The following NEK10 variants were observed in gnomAD, a reference collection of about 807,000 sequenced individuals.
The protein encoded by NEK10 is NIMA related kinase 10.
In NEK10, 122 loss-of-function variants were observed where a neutral mutation model predicts 159.8. That is an observed-to-expected ratio of 0.76 (90% CI 0.66 to 0.89). NEK10 has a LOEUF of 0.89. Ranked by LOEUF, NEK10 falls within the 40% of genes least tolerant of loss-of-function variation. NEK10 has a pLI of 0.00. For missense variants in NEK10, 1,342 were observed against 1,323.1 expected (o/e 1.01, Z -0.22); for synonymous variants, 466 against 457.1 (o/e 1.02, Z -0.25).
chr3:27,224,048 G>A (rs1952384597), intron 23 of NEK10, among the ~76,000 whole-genome samples: 1 of 152,168 alleles, frequency 6.6e-6, no homozygotes, highest in African/African-American at 2.4e-5. Context: ...AAGTTAAGAT[G>A]AGGTCATACT....
Position 27,192,504 on chromosome 3 carries a change from T to C in NEK10, c.2292-262A>G, listed in dbSNP as rs185837816. 5.4e-4 allele frequency among the ~76,000 whole-genome samples: 82 copies of C among 151,862 alleles called. 2 individuals carry two copies. Among genetic ancestry groups the C allele is most frequent in the Non-Finnish European group, 1.2e-4 (8 of 68,000 alleles). ...AAGGGTTCCAGGCTGAGCATGAAGATGCTCTTCGGGTCTCAGGATGGGCAG... is the reference window on the plus strand; with the variant it reads ...AAGGGTTCCAGGCTGAGCATGAAGACGCTCTTCGGGTCTCAGGATGGGCAG... On this transcript the variant is annotated intron_variant, in intron 25 of 35. Coordinates refer to ENST00000691995, the MANE Select transcript of NEK10 (RefSeq NM_001394966.1).
At chr3:27,192,922 C>T (rs1483847787) in intron 25 of NEK10, among the ~76,000 whole-genome samples, 1 of 152,140 alleles carries the variant, frequency 6.6e-6, no homozygotes, top group Non-Finnish European at 1.5e-5. Flanking sequence ...ACTCAGCATG[C>T]AGGCTCTGGA....
At chr3:27,301,649 A>G (rs2043832571) in intron 13 of NEK10, 47 bp downstream of exon 13, 1 of 1,377,136 alleles carries the variant, frequency 7.3e-7, no homozygotes, top group Admixed American at 1.9e-5. Flanking sequence ...GTGAATAATA[A>G]TACAACACAA....
chr3:27,269,091 A>G (rs533020490), intron 22 of NEK10, among the ~76,000 whole-genome samples: 56 of 152,222 alleles, frequency 3.7e-4, no homozygotes, highest in Non-Finnish European at 6.5e-4. Context: ...GCAATCTCAC[A>G]ATAAAACTTG....
intron 26 of NEK10, among the ~76,000 whole-genome samples, chr3:27,176,681 A>G (rs1285613895): frequency 1.3e-5 from 2 of 152,200 alleles, no homozygotes; most frequent in Non-Finnish European, 2.9e-5. Context: ...AGAAGTAAAA[A>G]CCCAATTCAA....
At chr3:27,189,516 C>G (rs558635220) in intron 26 of NEK10, among the ~76,000 whole-genome samples, 2 of 152,200 alleles carry the variant, frequency 1.3e-5, no homozygotes, top group African/African-American at 4.8e-5. Flanking sequence ...TTGATAATAA[C>G]TGCTCTGGGA....
chr3:27,347,502 C>CAAA lies in NEK10; in HGVS notation c.133-1289_133-1287dup, dbSNP rs35966643. Among the ~76,000 whole-genome samples, 55 of 63,436 alleles carry CAAA rather than the reference C, an allele frequency of 8.7e-4. 2 individuals carry two copies. Among genetic ancestry groups the CAAA allele is most frequent in the African/African-American group, 3.5e-3 (50 of 14,390 alleles). 41.6% of individuals were successfully genotyped at this position (63,436 alleles called of 152,430 possible). A position where few individuals can be genotyped will look rare whatever the true frequency, so the allele number is the denominator to read the frequency against. ...GGGCAACAAGAGTGAAACTCCGTCT[C>CAAA]AAAAAAAAAAAAAAAAAAAAAAAAA... On this transcript the variant is annotated intron_variant, in intron 3 of 35. Coordinates refer to ENST00000691995, the MANE Select transcript of NEK10 (RefSeq NM_001394966.1).
At chr3:27,271,149 TTCTATCTATCTATCTATCTATCTATCTA>T (rs72089289) in intron 22 of NEK10, among the ~76,000 whole-genome samples, 15 of 148,056 alleles carry the variant, frequency 1.0e-4, no homozygotes, top group Non-Finnish European at 2.1e-4. Context: ...TCTATCTATC[TTCTATCTATCTATCTATCTATCTATCTA>T]TCTATCTATC....
chr3:27,345,577 G>A (rs1218497916), intron 4 of NEK10, among the ~76,000 whole-genome samples: 7 of 152,174 alleles, frequency 4.6e-5, no homozygotes, highest in African/African-American at 1.7e-4. Context: ...CGAGAGGGGA[G>A]TGGCCCACAA....
At chr3:27,328,826 T>C (rs2149695303) in intron 5 of NEK10, among the ~76,000 whole-genome samples, 1 of 152,236 alleles carries the variant, frequency 6.6e-6, no homozygotes, top group East Asian at 1.9e-4. Context: ...TGATGGGGGT[T>C]TGGACTAGCT....
rs1261424356 is a variant in NEK10, at chr3:27,107,184, A to AT, written c.*4087dup. Among the ~76,000 whole-genome samples the AT allele has an allele frequency of 2.6e-5, 4 of 152,096 alleles. No individual in the cohort carries two copies. The highest frequency in any genetic ancestry group is 5.9e-5 in the Non-Finnish European group (4 of 68,022). On this transcript the variant is annotated 3_prime_UTR_variant, in exon 36 of 36. Coordinates refer to ENST00000691995, the MANE Select transcript of NEK10 (RefSeq NM_001394966.1). ...TGTGATTTTAGGGTACGTGATCTTC[A>AT]TTTTTAAAAACAACTATTGCCCATG...
chr3:27,343,637 T>C (rs1326660020), intron 5 of NEK10, among the ~76,000 whole-genome samples: 2 of 152,178 alleles, frequency 1.3e-5, no homozygotes, highest in Non-Finnish European at 2.9e-5. Flanking sequence ...CCAGCTCTTC[T>C]ATGAAGCAGC....
chr3:27,259,506 T>C (rs1294382196), intron 22 of NEK10, among the ~76,000 whole-genome samples: 3 of 152,186 alleles, frequency 2.0e-5, no homozygotes, highest in Non-Finnish European at 4.4e-5. Context: ...TTTTGTCAGG[T>C]TTGTCAAACT....
chr3:27,212,010 C>A (rs1225782121), intron 23 of NEK10, among the ~76,000 whole-genome samples: 1 of 152,120 alleles, frequency 6.6e-6, no homozygotes, highest in African/African-American at 2.4e-5. Flanking sequence ...AATATCTATT[C>A]CTGTTCCAAA....
At chr3:27,157,881 A>T (rs1945641071) in intron 30 of NEK10, among the ~76,000 whole-genome samples, 1 of 152,216 alleles carries the variant, frequency 6.6e-6, no homozygotes, top group Non-Finnish European at 1.5e-5. Flanking sequence ...ACATGGAGGC[A>T]AGACCCTCCA....
chr3:27,162,662 G>C, intron 30 of NEK10, 39 bp downstream of exon 30: 1 of 1,614,080 alleles, frequency 6.2e-7, no homozygotes, highest in South Asian at 1.1e-5. Flanking sequence ...GAATTTTAGA[G>C]AGTTGTGTTT....
At chr3:27,273,992 T>C (rs184437303) in intron 22 of NEK10, among the ~76,000 whole-genome samples, 6 of 148,088 alleles carry the variant, frequency 4.1e-5, no homozygotes, top group Admixed American at 3.3e-4. Context: ...AACTGCTTCC[T>C]GACCTTCAGC....
intron 26 of NEK10, among the ~76,000 whole-genome samples, chr3:27,190,910 A>T (rs976265451): frequency 6.6e-6 from 1 of 152,222 alleles, no homozygotes; most frequent in African/African-American, 2.4e-5. Flanking sequence ...CTATAACTCC[A>T]AGTTATATGC....
intron 23 of NEK10, among the ~76,000 whole-genome samples, chr3:27,234,155 T>C (rs1009934550): frequency 9.2e-5 from 14 of 152,014 alleles, no homozygotes; most frequent in African/African-American, 3.4e-4. Context: ...CAAACCCACT[T>C]CCAATATTAT....
Sources: gnomAD v4.1 joint callset for allele counts (sites outside exome capture counted in the v4.1 genomes callset) on GRCh38, gnomAD v4.1.1 for gene constraint, MANE v1.5 for transcripts, NCBI Gene and HGNC (gene_info 2026-07-23, HGNC 2026-07-21) for gene names.